CDH11: variants seen among roughly 807,000 people sequenced by gnomAD.
CDH11 encodes the protein cadherin-11.
CDH11 carries 11 observed loss-of-function variants against 67.8 expected under a neutral mutation model. That is an observed-to-expected ratio of 0.16 (90% CI 0.10 to 0.27). CDH11 has a LOEUF of 0.27. Ranked by LOEUF, CDH11 falls within the 10% of genes least tolerant of loss-of-function variation. The pLI is 1.00. For synonymous variants in CDH11, 419 were observed against 400.0 expected (o/e 1.05, Z -0.57); for missense variants, 847 against 1,031.2 (o/e 0.82, Z 2.45).
At chr16:65,050,343 C>T (rs1050166479) in intron 2 of CDH11, among the ~76,000 whole-genome samples, 3 of 152,148 alleles carry the variant, frequency 2.0e-5, no homozygotes, top group Admixed American at 2.0e-4. Context: ...TTGTTTAAAG[C>T]CTCTCTCCGT....
intron 11 of CDH11, chr16:64,968,347 T>C (rs565668557): frequency 2.5e-6 from 2 of 815,366 alleles, no homozygotes; most frequent in South Asian, 1.1e-4. Flanking sequence ...GTCTTTTTTT[T>C]TTCTTTGCAC....
intron 1 of CDH11, among the ~76,000 whole-genome samples, chr16:65,074,379 C>T (rs192076486): frequency 2.9e-4 from 44 of 152,338 alleles, no homozygotes; most frequent in African/African-American, 9.9e-4. Context: ...AGGGTTCACA[C>T]CCAGCCTCCA....
intron 1 of CDH11, among the ~76,000 whole-genome samples, chr16:65,087,975 C>T (rs10500508): frequency 0.3 from 45,374 of 152,084 alleles, 7,835 homozygotes; most frequent in Non-Finnish European, 0.4. Context: ...ATACAAATGA[C>T]TGGTGATATG....
intron 2 of CDH11, among the ~76,000 whole-genome samples, chr16:65,018,461 A>G (rs965621588): frequency 5.3e-5 from 8 of 152,182 alleles, no homozygotes; most frequent in Admixed American, 3.3e-4. Flanking sequence ...AAATAACTAT[A>G]TTGCCATAAG....
chr16:65,063,193 G>A (rs958445707), intron 1 of CDH11, among the ~76,000 whole-genome samples: 2 of 152,166 alleles, frequency 1.3e-5, no homozygotes, highest in Non-Finnish European at 2.9e-5. Context: ...TCACATGTGT[G>A]TGTGCTTTAG....
At chr16:64,959,233 ATGTG>A (rs1345404001) in intron 11 of CDH11, among the ~76,000 whole-genome samples, 1 of 152,190 alleles carries the variant, frequency 6.6e-6, no homozygotes, top group African/African-American at 2.4e-5. Flanking sequence ...AAATTCAAGC[ATGTG>A]TGTATGAGAT....
In CDH11 at chr16:65,037,936, A is replaced by G. The variant is rs12920073; in HGVS notation, c.-173+15868T>C. 6.3e-3 allele frequency among the ~76,000 whole-genome samples: 961 copies of G among 152,312 alleles called. 1 individual carries two copies. Among genetic ancestry groups the G allele is most frequent in the Middle Eastern group, 0.01 (3 of 294 alleles). On this transcript the variant is annotated intron_variant, in intron 2 of 12. Coordinates refer to ENST00000268603, the MANE Select transcript of CDH11 (RefSeq NM_001797.4). The stretch of plus-strand genomic sequence containing the variant: ...TGAATCCAACCCCTCTGATGAGGGG[A>G]GAAAGCAAATGCACTCCAAAACTGG...
At chr16:64,953,846 A>G (rs1414192416) in intron 11 of CDH11, among the ~76,000 whole-genome samples, 4 of 152,242 alleles carry the variant, frequency 2.6e-5, no homozygotes, top group Admixed American at 6.5e-5. Flanking sequence ...TTCTAGGTCA[A>G]AGAAAACTCT....
intron 6 of CDH11, among the ~76,000 whole-genome samples, chr16:64,988,934 T>C (rs2072561759): frequency 6.6e-6 from 1 of 152,132 alleles, no homozygotes; most frequent in Non-Finnish European, 1.5e-5. Flanking sequence ...AAGGCTTTCC[T>C]GCAGTGTGAC....
chr16:65,050,516 T>C (rs180795477), intron 2 of CDH11, among the ~76,000 whole-genome samples: 7 of 152,334 alleles, frequency 4.6e-5, no homozygotes, highest in African/African-American at 1.7e-4. Flanking sequence ...ATCAAGAATC[T>C]GAGTCTCAGC....
At chr16:65,011,116 T>C (rs80340668) in intron 2 of CDH11, among the ~76,000 whole-genome samples, 8 of 131,574 alleles carry the variant, frequency 6.1e-5, no homozygotes, top group African/African-American at 1.1e-4. Flanking sequence ...TATATATACA[T>C]ACACACACAC....
At chr16:64,964,153 G>A (rs911365605) in intron 11 of CDH11, among the ~76,000 whole-genome samples, 1 of 152,166 alleles carries the variant, frequency 6.6e-6, no homozygotes, top group Non-Finnish European at 1.5e-5. Context: ...CATATATACC[G>A]TCATGAGTTG....
At chr16:65,018,415 A>T (rs1201975415) in intron 2 of CDH11, among the ~76,000 whole-genome samples, 6 of 152,208 alleles carry the variant, frequency 3.9e-5, no homozygotes, top group African/African-American at 1.2e-4. Context: ...GTTACAAAAA[A>T]ATTTTAAAAA....
chr16:65,059,075 A>T (rs549135233), intron 1 of CDH11, among the ~76,000 whole-genome samples: 2 of 152,320 alleles, frequency 1.3e-5, no homozygotes, highest in South Asian at 4.1e-4. Context: ...AATTAATAAT[A>T]ATCTATAAGC....
At chr16:64,955,797 A>C (rs1478782840) in intron 11 of CDH11, among the ~76,000 whole-genome samples, 2 of 152,194 alleles carry the variant, frequency 1.3e-5, no homozygotes, top group African/African-American at 4.8e-5. Flanking sequence ...ATGAAAAACA[A>C]ATCTGGACAC....
intron 2 of CDH11, among the ~76,000 whole-genome samples, chr16:65,024,988 A>G (rs570977256): frequency 1.7e-4 from 26 of 152,320 alleles, no homozygotes; most frequent in Non-Finnish European, 3.4e-4. Flanking sequence ...AAATGAAACC[A>G]TGTCTGATAT....
intron 1 of CDH11, among the ~76,000 whole-genome samples, chr16:65,078,487 C>T (rs570799344): frequency 6.6e-6 from 1 of 152,176 alleles, no homozygotes; most frequent in Non-Finnish European, 1.5e-5. Context: ...TATAGAGAGC[C>T]CCCAAAGAAA....
At chr16:65,026,483 G>A (rs1432576811) in intron 2 of CDH11, among the ~76,000 whole-genome samples, 2 of 152,174 alleles carry the variant, frequency 1.3e-5, no homozygotes, top group East Asian at 3.9e-4. Context: ...TTCTGGAGAT[G>A]CTCAGAATTC....
chr16:65,017,721 A>G (rs980440895), intron 2 of CDH11, among the ~76,000 whole-genome samples: 2 of 152,132 alleles, frequency 1.3e-5, no homozygotes, highest in Non-Finnish European at 2.9e-5. Context: ...GAATTAGAAT[A>G]CTCAACTAGA....
Sources: allele counts gnomAD v4.1 joint callset (sites outside exome capture counted in the v4.1 genomes callset), GRCh38; gene constraint gnomAD v4.1.1; transcripts MANE v1.5; gene names NCBI Gene and HGNC (gene_info 2026-07-23, HGNC 2026-07-21).